The following CEP295 variants were observed in gnomAD, a reference collection of about 807,000 sequenced individuals.
CEP295 encodes the protein centrosomal protein 295, also known as centrosomal protein of 295 kDa.
Under a neutral mutation model 291.6 loss-of-function variants are expected in CEP295, and 190 were observed. The ratio of observed to expected loss-of-function variants is 0.65; its 90% CI spans 0.58 to 0.73. The LOEUF is 0.73. Among genes scored for constraint, CEP295 ranks in the 30% least tolerant of loss-of-function variants. The pLI, the probability that CEP295 is intolerant of heterozygous loss-of-function variation, is 0.00. For synonymous variants in CEP295, 993 were observed against 1,038.8 expected (o/e 0.96, Z 0.85); for missense variants, 2,863 against 2,949.4 (o/e 0.97, Z 0.68).
chr11:93,687,945 A>C, intron 10 of CEP295, 80 bp downstream of exon 10: 1 of 977,794 alleles, frequency 1.0e-6, no homozygotes, highest in Non-Finnish European at 1.5e-6. Context: ...AAAATCAAAG[A>C]ATAGAGGTTA....
In CEP295 at chr11:93,669,739, G is replaced by A. The variant is rs1366098919; in HGVS notation, c.497G>A (p.Ser166Asn). The A allele has an allele frequency of 5.2e-6, 8 of 1,550,738 alleles. No individual in the cohort carries two copies. In the Admixed American group the frequency reaches 1.6e-4, roughly 30 times the overall value. The change falls in exon 5 of 30, where the codon AGT (serine) becomes AAT (asparagine). Residue 166 changes from serine to asparagine, a missense_variant. This residue lies in a region of CEP295 where 554 missense variants were observed against 576.0 expected (regional missense o/e 0.96). Coordinates refer to ENST00000325212, the MANE Select transcript of CEP295 (RefSeq NM_033395.2). ...AAAGAGAGATCAGCCAAAATTACAA[G>A]TCTGCCACCTCCTCCTCCAACTCTT... The part of the protein sequence containing the change: ...VEKERSAKIT[S>N]LPPPPPTLFE...
At position 93,698,640 on chromosome 11, in the gene CEP295, T is replaced by G. The variant is rs1361885855; in HGVS notation, c.3728T>G (p.Leu1243Arg). ...HPKIPRCQER[L>R]LRVSQHMLPL... Reference sequence around the variant, plus strand: ...AAGATCCCAAGATGTCAGGAAAGACTTTTGAGAGTTTCACAACATATGCTA... The same window carrying G: ...AAGATCCCAAGATGTCAGGAAAGACGTTTGAGAGTTTCACAACATATGCTA... The change falls in exon 15 of 30, where the codon CTT becomes CGT. Residue 1243 changes from leucine (L) to arginine (R), a missense_variant. By Grantham distance (102) the Leu-to-Arg change is moderately radical. Coordinates refer to ENST00000325212, the MANE Select transcript of CEP295 (RefSeq NM_033395.2). 6.4e-7 allele frequency: 1 copy of G among 1,550,934 alleles called. No homozygotes were observed. Among genetic ancestry groups the G allele is most frequent in the African/African-American group, 1.4e-5 (1 of 73,042 alleles).
At chr11:93,710,555 A>C (rs1227013634) in intron 18 of CEP295, among the ~76,000 whole-genome samples, 3 of 152,124 alleles carry the variant, frequency 2.0e-5, no homozygotes, top group African/African-American at 7.2e-5. Flanking sequence ...TATTCATCAG[A>C]GATATTAACT....
At chr11:93,677,691 G>A (rs1950763167) in intron 6 of CEP295, among the ~76,000 whole-genome samples, 1 of 152,066 alleles carries the variant, frequency 6.6e-6, no homozygotes, top group Non-Finnish European at 1.5e-5. Context: ...TGTATTGTTT[G>A]TGGTGAGACC....
chr11:93,674,774 G>T (rs113520499), intron 5 of CEP295, among the ~76,000 whole-genome samples: 7 of 152,224 alleles, frequency 4.6e-5, no homozygotes, highest in African/African-American at 1.4e-4. Flanking sequence ...TCTGTAAAAT[G>T]CATGGTTTAT....
intron 9 of CEP295, among the ~76,000 whole-genome samples, chr11:93,684,804 T>G (rs1460505000): frequency 6.6e-6 from 1 of 152,202 alleles, no homozygotes; most frequent in Non-Finnish European, 1.5e-5. Flanking sequence ...TTTGGCATCT[T>G]GAACCTGGTG....
In CEP295 at chr11:93,725,170, C is replaced by T. The variant is rs555324179; in HGVS notation, c.6319-481C>T. Among the ~76,000 whole-genome samples the T allele has an allele frequency of 5.3e-5, 8 of 151,966 alleles. No individual in the cohort carries two copies. In the East Asian group the frequency reaches 1.6e-3, roughly 29 times the overall value. ...TCGGGAGGCTGAGAACCGCTTGAAC[C>T]TGGGAGGCAGAGGTTGCAGTGAGCC... is the stretch of plus-strand genomic sequence containing the variant. On this transcript the variant is annotated intron_variant, in intron 22 of 29. Transcript: ENST00000325212.
rs143941780 is a variant in CEP295, at chr11:93,713,211, CTGTT to C, written c.5749+6316_5749+6319del. 7.8e-3 allele frequency among the ~76,000 whole-genome samples: 1,194 copies of C among 152,160 alleles called. 17 individuals are homozygous for C. Among genetic ancestry groups the C allele is most frequent in the East Asian group, 0.05 (256 of 5,156 alleles). ...TTGATCTGTTCATCTTTTTGTCTTT[CTGTT>C]TAAGTATGAGTAGTTTACACAAAAC... On this transcript the variant is annotated intron_variant, in intron 18 of 29. Coordinates refer to ENST00000325212, the MANE Select transcript of CEP295 (RefSeq NM_033395.2).
intron 17 of CEP295, among the ~76,000 whole-genome samples, chr11:93,705,092 C>T (rs1203867564): frequency 6.6e-6 from 1 of 151,880 alleles, no homozygotes; most frequent in Non-Finnish European, 1.5e-5. Context: ...GAGTGTCTGT[C>T]TTTCCACTCT....
At chr11:93,714,683 T>C (rs1953118452) in intron 18 of CEP295, among the ~76,000 whole-genome samples, 1 of 152,194 alleles carries the variant, frequency 6.6e-6, no homozygotes, top group Non-Finnish European at 1.5e-5. Flanking sequence ...CATGTCTTCA[T>C]TAGGGGATAC....
intron 7 of CEP295, among the ~76,000 whole-genome samples, chr11:93,680,740 T>A (rs1423753176): frequency 6.6e-6 from 1 of 152,272 alleles, no homozygotes; most frequent in Non-Finnish European, 1.5e-5. Flanking sequence ...TCATGCTTAT[T>A]GTTCATTTAG....
At chr11:93,680,393 C>T (rs1950904662) in intron 7 of CEP295, among the ~76,000 whole-genome samples, 1 of 152,172 alleles carries the variant, frequency 6.6e-6, no homozygotes. Context: ...TGGCTTGAGC[C>T]CAAGAGTTCA....
In CEP295 at chr11:93,691,922, C is replaced by T. The variant is rs1426703315; in HGVS notation, c.1430-5C>T. ...AACTAATTTTTGTTTGGGGCATTCC[C>T]CTAGAAATAAATGAGACTCTGCCTA... On this transcript the variant is annotated splice_region_variant and splice_polypyrimidine_tract_variant and intron_variant, in intron 11 of 29. Coordinates refer to ENST00000325212, the MANE Select transcript of CEP295 (RefSeq NM_033395.2). 7.9e-6 allele frequency: 12 copies of T among 1,522,010 alleles called. No individual in the cohort carries two copies. Among genetic ancestry groups the T allele is most frequent in the Non-Finnish European group, 9.8e-6 (11 of 1,124,954 alleles). 94.3% of individuals were successfully genotyped at this position (1,522,010 alleles called of 1,614,324 possible).
chr11:93,698,092 C>A lies in CEP295; in HGVS notation c.3180C>A (p.Leu1060=). 1 of 1,552,052 alleles carries A rather than the reference C, an allele frequency of 6.4e-7. No homozygotes were observed. Among genetic ancestry groups the A allele is most frequent in the Non-Finnish European group, 8.7e-7 (1 of 1,147,074 alleles). The change falls in exon 15 of 30, where the codon CTC becomes CTA. Residue 1060 remains leucine, a synonymous_variant. Transcript: ENST00000325212. ...CTCTACATGATAGTTTGAAGTTGCT[C>A]CAAGAACAGTTGACTAAACAGAGGG... ...FLPLHDSLKL[L]QEQLTKQRDT...
chr11:93,696,655 A>C, intron 14 of CEP295, 27 bp from the exon 15 acceptor site: 1 of 1,498,010 alleles, frequency 6.7e-7, no homozygotes, highest in Non-Finnish European at 8.9e-7. Context: ...TTAAAAAACA[A>C]TAATTGTTTG....
rs961677122 is a variant in CEP295, at chr11:93,721,899, G to A, written c.5851-55G>A. On this transcript the variant is annotated intron_variant, in intron 19 of 29. Coordinates refer to ENST00000325212, the MANE Select transcript of CEP295 (RefSeq NM_033395.2). ...CAACTGCTGGGGTTGGTGATTTGGG[G>A]TTTTCTTACATACTACTTGCTACAT... The A allele has an allele frequency of 2.4e-6, 3 of 1,265,614 alleles. No homozygotes were observed. In the African/African-American group the frequency reaches 4.4e-5, roughly 19 times the overall value. 78.4% of individuals were successfully genotyped at this position (1,265,614 alleles called of 1,614,324 possible). A position where few individuals can be genotyped will look rare whatever the true frequency, so the allele number is the denominator to read the frequency against.
Position 93,722,019 on chromosome 11 carries a change from T to C in CEP295, c.5916T>C (p.Tyr1972=), listed in dbSNP as rs1436535420. 7 of 1,563,118 alleles carry C rather than the reference T, an allele frequency of 4.5e-6. No homozygotes were observed. Among genetic ancestry groups the C allele is most frequent in the East Asian group, 4.8e-5 (2 of 41,892 alleles). Reference sequence around the variant, plus strand: ...TTTCCACTGGGAGCCTTTTAAGTTATGAAAACACAGATTTGAGCCTTACAG... The same window carrying C: ...TTTCCACTGGGAGCCTTTTAAGTTACGAAAACACAGATTTGAGCCTTACAG... The part of the protein sequence containing the change: ...ATVSTGSLLS[Y]ENTDLSLTDP... The change falls in exon 20 of 30, where the codon TAT becomes TAC. Residue 1972 remains tyrosine, a synonymous_variant. Transcript: ENST00000325212.
Position 93,724,330 on chromosome 11 carries a change from A to G in CEP295, c.6273A>G (p.Ser2091=), listed in dbSNP as rs1448803262. ...PLEPHPDFDL[S]SSSSGISPDN... ...AACCACATCCAGATTTTGACTTATC[A>G]TCATCATCCTCTGGGATTTCTCCAG... is the stretch of plus-strand genomic sequence containing the variant. Residue 2091 remains serine, a synonymous_variant, in exon 22 of 30, where the codon TCA becomes TCG. Coordinates refer to ENST00000325212, the MANE Select transcript of CEP295 (RefSeq NM_033395.2). The G allele has an allele frequency of 2.6e-6, 4 of 1,550,332 alleles. No homozygotes were observed. Among genetic ancestry groups the G allele is most frequent in the Non-Finnish European group, 3.5e-6 (4 of 1,145,726 alleles).
At position 93,699,112 on chromosome 11, in the gene CEP295, A is replaced by C. The variant is rs565227032; in HGVS notation, c.4200A>C (p.Val1400=). ...EQVDTSSLPL[V]PQHSFASLPL... ...TTGACACCTCTTCCTTACCCCTAGT[A>C]CCACAGCATTCATTCGCCTCATTAC... Residue 1400 remains valine, a synonymous_variant, in exon 15 of 30, where the codon GTA becomes GTC. Coordinates refer to ENST00000325212, the MANE Select transcript of CEP295 (RefSeq NM_033395.2). The C allele has an allele frequency of 6.5e-7, 1 of 1,549,438 alleles. No individual in the cohort carries two copies. Among genetic ancestry groups the C allele is most frequent in the Non-Finnish European group, 8.7e-7 (1 of 1,147,088 alleles).
Sources: allele counts gnomAD v4.1 joint callset (sites outside exome capture counted in the v4.1 genomes callset), GRCh38; gene constraint gnomAD v4.1.1; regional missense constraint gnomAD v4.1.1; transcripts MANE v1.5; gene names NCBI Gene and HGNC (gene_info 2026-07-23, HGNC 2026-07-21).